TENM2: variants seen among roughly 807,000 people sequenced by gnomAD.
TENM2 encodes teneurin-2.
Under a neutral mutation model 245.2 loss-of-function variants are expected in TENM2, and 52 were observed. That is an observed-to-expected ratio of 0.21 (90% CI 0.17 to 0.27). The LOEUF is 0.27. TENM2 is among the 10% of genes least tolerant of loss of function. The probability of loss-of-function intolerance (pLI) is 1.00; values close to 1 mark genes in which losing one functional copy is unlikely to be tolerated. For missense variants in TENM2, 3,046 were observed against 3,666.8 expected (o/e 0.83, Z 4.37); for synonymous variants, 1,363 against 1,438.9 (o/e 0.95, Z 1.19).
At chr5:167,111,064 G>T in the TENM2 span, among the ~76,000 whole-genome samples, 3 of 152,010 alleles carry the variant, frequency 2.0e-5, no homozygotes, top group Non-Finnish European at 4.4e-5. Context: ...AAAGAATTTT[G>T]ACTAACAAAA....
the TENM2 span, among the ~76,000 whole-genome samples, chr5:167,209,453 A>G: frequency 1.3e-5 from 2 of 151,862 alleles, no homozygotes; most frequent in Non-Finnish European, 2.9e-5. Flanking sequence ...TATTAGAGAC[A>G]GGATTTCACC....
chr5:167,081,384 G>A, the TENM2 span, among the ~76,000 whole-genome samples: 2 of 152,012 alleles, frequency 1.3e-5, no homozygotes, highest in African/African-American at 4.8e-5. Context: ...TGTTCTTTGT[G>A]TGCCTTTTAG....
chr5:167,678,510 G>A (rs1332967115), intron 2 of TENM2, among the ~76,000 whole-genome samples: 2 of 152,202 alleles, frequency 1.3e-5, no homozygotes, highest in African/African-American at 4.8e-5. Flanking sequence ...CGGAGTCTGT[G>A]TTTCTGTCAC....
intron 25 of TENM2, among the ~76,000 whole-genome samples, chr5:168,230,109 G>A (rs747667736): frequency 6.6e-6 from 1 of 152,146 alleles, no homozygotes; most frequent in Non-Finnish European, 1.5e-5. Context: ...GGTACTTGTG[G>A]TAATTAGCCC....
At chr5:167,336,869 G>C (rs1171238249) in intron 1 of TENM2, among the ~76,000 whole-genome samples, 3 of 151,176 alleles carry the variant, frequency 2.0e-5, no homozygotes, top group African/African-American at 7.3e-5. Flanking sequence ...TGTAATCCCA[G>C]CACTTTGGGA....
intron 3 of TENM2, among the ~76,000 whole-genome samples, chr5:167,931,594 G>A (rs1778296417): frequency 7.3e-5 from 11 of 151,460 alleles, no homozygotes; most frequent in Admixed American, 7.2e-4. Context: ...CTTGGAGCAG[G>A]CAGGTGGTGT....
intron 2 of TENM2, among the ~76,000 whole-genome samples, chr5:167,530,129 G>A (rs1251451617): frequency 2.0e-5 from 3 of 151,378 alleles, no homozygotes; most frequent in Non-Finnish European, 4.4e-5. Context: ...GAAAGTGAGA[G>A]TGTTTAGAAA....
intron 3 of TENM2, among the ~76,000 whole-genome samples, chr5:167,911,663 G>A (rs1480964647): frequency 1.3e-5 from 2 of 152,202 alleles, no homozygotes; most frequent in African/African-American, 4.8e-5. Flanking sequence ...CACTGGGGCA[G>A]GAGTACTCAC....
chr5:168,210,581 A>C (rs77415347), intron 19 of TENM2, among the ~76,000 whole-genome samples: 9,625 of 151,868 alleles, frequency 0.063, 1,028 homozygotes, highest in African/African-American at 0.22. Flanking sequence ...TGTCAGTCAG[A>C]GCTCAGAAGT....
chr5:167,628,169 C>T (rs1382622078), intron 2 of TENM2, among the ~76,000 whole-genome samples: 1 of 152,172 alleles, frequency 6.6e-6, no homozygotes, highest in Admixed American at 6.5e-5. Context: ...CCAGTTCTTA[C>T]TCCTGGCACT....
chr5:168,158,379 G>A (rs1255891728), intron 12 of TENM2, among the ~76,000 whole-genome samples: 1 of 152,108 alleles, frequency 6.6e-6, no homozygotes, highest in Non-Finnish European at 1.5e-5. Context: ...CAGGCAGACA[G>A]AAAAGATATA....
At chr5:167,492,055 C>T (rs1480945811) in intron 2 of TENM2, among the ~76,000 whole-genome samples, 1 of 152,032 alleles carries the variant, frequency 6.6e-6, no homozygotes, top group African/African-American at 2.4e-5. Flanking sequence ...AAAAGAGTTT[C>T]TTCAATGTAA....
chr5:167,465,245 CT>C (rs1047591125), intron 2 of TENM2, among the ~76,000 whole-genome samples: 2 of 152,178 alleles, frequency 1.3e-5, no homozygotes, highest in Non-Finnish European at 2.9e-5. Context: ...TCTAATATGG[CT>C]TTTTTCCCAT....
chr5:167,492,077 C>T (rs982203131), intron 2 of TENM2, among the ~76,000 whole-genome samples: 8 of 152,074 alleles, frequency 5.3e-5, no homozygotes, highest in African/African-American at 1.9e-4. Flanking sequence ...ACTTATTGCT[C>T]TATGTTGAGC....
In TENM2 at chr5:168,057,443, G is replaced by C. The variant is rs116314001; in HGVS notation, c.1310-4617G>C. The stretch of plus-strand genomic sequence containing the variant: ...TGCCATTTAAGATATCTTTGGGTCT[G>C]AGACACTCTAATATAGATATGGACA... On this transcript the variant is annotated intron_variant, in intron 6 of 28. Transcript: ENST00000518659. Among the ~76,000 whole-genome samples the C allele has an allele frequency of 7.5e-3, 1,134 of 152,200 alleles. 18 individuals are homozygous for C. Among genetic ancestry groups the C allele is most frequent in the Middle Eastern group, 0.037 (11 of 294 alleles).
intron 2 of TENM2, among the ~76,000 whole-genome samples, chr5:167,795,855 G>C (rs568753331): frequency 6.6e-6 from 1 of 152,180 alleles, no homozygotes; most frequent in African/African-American, 2.4e-5. Context: ...AGAAGACTTC[G>C]AGGCAATGTG....
In TENM2 at chr5:167,688,125, A is replaced by G. The variant is rs149949357; in HGVS notation, c.503-187861A>G. 9.6e-3 allele frequency among the ~76,000 whole-genome samples: 1,458 copies of G among 152,306 alleles called. 19 individuals are homozygous for G. Among genetic ancestry groups the G allele is most frequent in the African/African-American group, 0.033 (1,376 of 41,566 alleles). On this transcript the variant is annotated intron_variant, in intron 2 of 28. Coordinates refer to ENST00000518659, the Ensembl canonical transcript of TENM2. ...TCAGTCAAGTGATTTCAGCAACGTT[A>G]TAAAGGTAGTCAGAGTAAATGGCAG...
chr5:168,212,793 C>T (rs1367227670), intron 20 of TENM2, among the ~76,000 whole-genome samples: 1 of 152,104 alleles, frequency 6.6e-6, no homozygotes, highest in Admixed American at 6.6e-5. Context: ...GTGATCTTTG[C>T]CACAGCCACA....
the TENM2 span, among the ~76,000 whole-genome samples, chr5:167,152,854 A>G: frequency 6.6e-6 from 1 of 152,122 alleles, no homozygotes; most frequent in African/African-American, 2.4e-5. Flanking sequence ...ATACTTCTAC[A>G]TTGTTTATTT....
Sources: gnomAD v4.1 joint callset for allele counts (sites outside exome capture counted in the v4.1 genomes callset) on GRCh38, gnomAD v4.1.1 for gene constraint, MANE v1.5 for transcripts, NCBI Gene and HGNC (gene_info 2026-07-23, HGNC 2026-07-21) for gene names.